ZNF266: variants seen among roughly 807,000 people sequenced by gnomAD.
The protein encoded by ZNF266 is zinc finger protein 1.
ZNF266 carries 16 observed loss-of-function variants against 16.4 expected under a neutral mutation model. The observed-to-expected ratio is 0.98, with a 90% confidence interval of 0.66 to 1.48. The LOEUF is 1.48. ZNF266 is among the 40% of genes most tolerant of loss of function. ZNF266 has a pLI of 0.00. For synonymous variants in ZNF266, 262 were observed against 237.9 expected (o/e 1.10, Z -0.93); for missense variants, 738 against 689.1 (o/e 1.07, Z -0.79).
intron 5 of ZNF266, among the ~76,000 whole-genome samples, chr19:9,421,582 C>T (rs8100415): frequency 0.61 from 92,554 of 151,940 alleles, 28,818 homozygotes; most frequent in African/African-American, 0.73. Context: ...AGATAAGCAC[C>T]CTGTGATTTC....
chr19:9,426,412 C>T (rs762009713), intron 5 of ZNF266, among the ~76,000 whole-genome samples: 2 of 151,892 alleles, frequency 1.3e-5, no homozygotes, highest in Admixed American at 6.6e-5. Flanking sequence ...AAGCACTGGG[C>T]GCCTTACCCC....
chr19:9,418,473 T>C (rs1156262812), intron 8 of ZNF266, 32 bp downstream of exon 8: 4 of 1,611,852 alleles, frequency 2.5e-6, no homozygotes, highest in Admixed American at 1.7e-5. Flanking sequence ...ATCTGTTCCA[T>C]AGTAGGCTAC....
chr19:9,434,051 G>C (rs1206426725), intron 4 of ZNF266, 24 bp downstream of exon 4: 1 of 152,154 alleles, frequency 6.6e-6, no homozygotes, highest in African/African-American at 2.4e-5. Flanking sequence ...CCCAACCAAA[G>C]AAAGAATACT....
At chr19:9,417,036 C>T (rs932796316) in intron 9 of ZNF266, among the ~76,000 whole-genome samples, 9 of 152,022 alleles carry the variant, frequency 5.9e-5, no homozygotes, top group African/African-American at 1.7e-4. Flanking sequence ...GTAGACAAAG[C>T]GTAAAAGTAT....
Position 9,413,984 on chromosome 19 carries a change from T to C in ZNF266, c.1142A>G (p.His381Arg). The C allele has an allele frequency of 6.2e-7, 1 of 1,614,220 alleles. No homozygotes were observed. Among genetic ancestry groups the C allele is most frequent in the Non-Finnish European group, 8.5e-7 (1 of 1,180,050 alleles). Residue 381 changes from histidine to arginine, a missense_variant, in exon 11 of 11, where the codon CAT becomes CGT. Coordinates refer to ENST00000592904, the MANE Select transcript of ZNF266 (RefSeq NM_001370374.1). ...AFTRSSQLTE[H>R]LKTHTAKDPF... ...ATCCTTTGCAGTGTGAGTTTTTAAA[T>C]GTTCAGTAAGTTGAGAAGATCTAGT...
intron 9 of ZNF266, among the ~76,000 whole-genome samples, chr19:9,416,102 A>T (rs1462720972): frequency 2.0e-5 from 3 of 152,196 alleles, no homozygotes; most frequent in Non-Finnish European, 4.4e-5. Context: ...GATTACAGGC[A>T]TTAGCCACCA....
In ZNF266 at chr19:9,414,674, C is replaced by T. The variant is rs146981644; in HGVS notation, c.452G>A (p.Gly151Glu). Reference sequence around the variant, plus strand: ...GCATGAGTGTTCACTGGAGACATCTCCACATTGCTTAACATCACTGACCTC... The same window carrying T: ...GCATGAGTGTTCACTGGAGACATCTTCACATTGCTTAACATCACTGACCTC... Reference protein sequence around the residue: ...GGEVSDVKQCGDVSSEHSCLK... With the variant: ...GGEVSDVKQCEDVSSEHSCLK... The change falls in exon 11 of 11, where the codon GGA becomes GAA. Residue 151 changes from glycine (G) to glutamate (E), a missense_variant. Coordinates refer to ENST00000592904, the MANE Select transcript of ZNF266 (RefSeq NM_001370374.1). The T allele has an allele frequency of 3.8e-5, 60 of 1,593,456 alleles. No homozygotes were observed. The African/African-American group carries it at 6.7e-4, about 18-fold the overall frequency.
intron 5 of ZNF266, chr19:9,420,616 TG>T (rs1209359733): frequency 6.6e-6 from 1 of 152,084 alleles, no homozygotes; most frequent in Non-Finnish European, 1.5e-5. Context: ...TAGCTGGGCA[TG>T]GTAGTGCATG....
intron 5 of ZNF266, among the ~76,000 whole-genome samples, chr19:9,426,851 G>C (rs111815963): frequency 1.3e-5 from 2 of 151,836 alleles, no homozygotes; most frequent in East Asian, 3.9e-4. Flanking sequence ...GGTACGCCTC[G>C]CTTTAACTGT....
chr19:9,423,269 G>A (rs2070208646), intron 5 of ZNF266, among the ~76,000 whole-genome samples: 1 of 152,174 alleles, frequency 6.6e-6, no homozygotes, highest in Admixed American at 6.5e-5. Flanking sequence ...CAGCCATGCT[G>A]TAATGGGCCC....
At chr19:9,430,533 T>A (rs2071437649) in intron 5 of ZNF266, among the ~76,000 whole-genome samples, 1 of 152,210 alleles carries the variant, frequency 6.6e-6, no homozygotes, top group Non-Finnish European at 1.5e-5. Context: ...TATGCTTTAC[T>A]AAATCATCAG....
chr19:9,413,941 T>G lies in ZNF266; in HGVS notation c.1185A>C (p.Ile395=). The G allele has an allele frequency of 6.2e-7, 1 of 1,614,138 alleles. No individual in the cohort carries two copies. The highest frequency in any genetic ancestry group is 1.1e-5 in the South Asian group (1 of 91,080). The change falls in exon 11 of 11, where the codon ATA becomes ATC. Residue 395 remains isoleucine (I), a synonymous_variant. Coordinates refer to ENST00000592904, the MANE Select transcript of ZNF266 (RefSeq NM_001370374.1). ...HTAKDPFECK[I]CGKSFRNSSC... ...AGGAATTTCTAAAGGATTTTCCACATATCTTACATTCAAAGGGATCCTTTG... is the reference window on the plus strand; with the variant it reads ...AGGAATTTCTAAAGGATTTTCCACAGATCTTACATTCAAAGGGATCCTTTG...
chr19:9,413,241 A>G lies in ZNF266; in HGVS notation c.*34T>C. 3 of 1,528,188 alleles carry G rather than the reference A, an allele frequency of 2.0e-6. No individual in the cohort carries two copies. In the South Asian group the frequency reaches 4.0e-5, roughly 20 times the overall value. The allele number at this position is 1,528,188 out of a possible 1,614,324, so 94.7% of individuals were successfully genotyped here. On this transcript the variant is annotated 3_prime_UTR_variant, in exon 11 of 11. Coordinates refer to ENST00000592904, the MANE Select transcript of ZNF266 (RefSeq NM_001370374.1). ...CCAGTGAGTTTTCATGTCTTCAGAG[A>G]GAACAGGGACACCTTTAGGTTTTCC... is the stretch of plus-strand genomic sequence containing the variant.
Position 9,413,910 on chromosome 19 carries a change from G to A in ZNF266, c.1216C>T (p.Leu406Phe), listed in dbSNP as rs2068593797. Residue 406 changes from leucine (L) to phenylalanine (F), a missense_variant, in exon 11 of 11, where the codon CTC (leucine) becomes TTC (phenylalanine). Transcript: ENST00000592904. Reference sequence around the variant, plus strand: ...GTGTGAATTCGAAAGTGATCACTGAGGCATGAGGAATTTCTAAAGGATTTT... The same window carrying A: ...GTGTGAATTCGAAAGTGATCACTGAAGCATGAGGAATTTCTAAAGGATTTT... ...CGKSFRNSSCLSDHFRIHTGI... is the reference protein window; with the variant it reads ...CGKSFRNSSCFSDHFRIHTGI... The A allele has an allele frequency of 1.9e-6, 3 of 1,614,162 alleles. No homozygotes were observed. Among genetic ancestry groups the A allele is most frequent in the Non-Finnish European group, 2.5e-6 (3 of 1,180,026 alleles).
At chr19:9,428,642 C>G (rs938005559) in intron 5 of ZNF266, among the ~76,000 whole-genome samples, 1 of 148,638 alleles carries the variant, frequency 6.7e-6, no homozygotes, top group African/African-American at 2.5e-5. Context: ...CCCAGGTCAA[C>G]AAACCGACCC....
intron 5 of ZNF266, among the ~76,000 whole-genome samples, chr19:9,425,131 T>C (rs997522205): frequency 1.3e-5 from 2 of 152,176 alleles, no homozygotes; most frequent in African/African-American, 4.8e-5. Flanking sequence ...TGAAACTTAG[T>C]GGCCAACACC....
At position 9,413,472 on chromosome 19, in the gene ZNF266, T is replaced by C; in HGVS notation, c.1654A>G (p.Ile552Val). The C allele has an allele frequency of 6.2e-7, 1 of 1,612,996 alleles. No individual in the cohort carries two copies. Among genetic ancestry groups the C allele is most frequent in the Non-Finnish European group, 8.5e-7 (1 of 1,179,122 alleles). Residue 552 changes from isoleucine (I) to valine (V), a missense_variant, in exon 11 of 11, where the codon ATC (isoleucine) becomes GTC (valine). Ile to Val is a conservative substitution (Grantham distance 29). Transcript: ENST00000592904. The part of the protein sequence containing the change: ...FPTCVNLHMR[I>V]HTGEKPYKCK... The stretch of plus-strand genomic sequence containing the variant: ...TTGTAGGGTTTTTCTCCAGTGTGGA[T>C]CCGCATGTGAAGGTTAACACACGTG...
chr19:9,418,712 C>A, intron 7 of ZNF266, 81 bp from the exon 8 acceptor site: 1 of 715,272 alleles, frequency 1.4e-6, no homozygotes, highest in Non-Finnish European at 2.5e-6. Context: ...CCTACAGAGT[C>A]TGAGGGCTCA....
Position 9,414,000 on chromosome 19 carries a change from A to C in ZNF266, c.1126T>G (p.Ser376Ala), listed in dbSNP as rs1363034652. 6.2e-7 allele frequency: 1 copy of C among 1,614,198 alleles called. No individual in the cohort carries two copies. Among genetic ancestry groups the C allele is most frequent in the Non-Finnish European group, 8.5e-7 (1 of 1,180,040 alleles). The change falls in exon 11 of 11, where the codon TCT becomes GCT. Residue 376 changes from serine to alanine, a missense_variant. Physicochemically the swap from Ser to Ala is moderately conservative, Grantham distance 99. Transcript: ENST00000592904. ...KECGIAFTRSSQLTEHLKTHT... is the reference protein window; with the variant it reads ...KECGIAFTRSAQLTEHLKTHT... ...GTTTTTAAATGTTCAGTAAGTTGAG[A>C]AGATCTAGTGAAGGCTATCCCACAT... is the stretch of plus-strand genomic sequence containing the variant.
Sources: gnomAD v4.1 joint callset for allele counts (sites outside exome capture counted in the v4.1 genomes callset) on GRCh38, gnomAD v4.1.1 for gene constraint, MANE v1.5 for transcripts, NCBI Gene and HGNC (gene_info 2026-07-23, HGNC 2026-07-21) for gene names.